Variants in ADAMTS17 observed in about 807,000 individuals in gnomAD.
ADAMTS17 encodes the protein A disintegrin and metalloproteinase with thrombospondin motifs 17.
In ADAMTS17, 113 loss-of-function variants were observed where a neutral mutation model predicts 141.5. The observed-to-expected ratio is 0.80, with a 90% CI of 0.69 to 0.93. ADAMTS17 has a LOEUF of 0.93. ADAMTS17 is among the 40% of genes least tolerant of loss of function. The pLI, the probability that ADAMTS17 is intolerant of heterozygous loss-of-function variation, is 0.00. For missense variants in ADAMTS17, 1,659 were observed against 1,517.9 expected (o/e 1.09, Z -1.54); for synonymous variants, 768 against 630.6 (o/e 1.22, Z -3.27).
intron 10 of ADAMTS17, among the ~76,000 whole-genome samples, chr15:100,146,556 G>C (rs1013046696): frequency 6.6e-6 from 1 of 152,168 alleles, no homozygotes; most frequent in Non-Finnish European, 1.5e-5. Context: ...TACAGCATGT[G>C]TGTTTGAACA....
Position 100,341,272 on chromosome 15 carries a change from G to A in ADAMTS17, c.217C>T (p.Arg73Cys), listed in dbSNP as rs1334885680. 2 of 1,256,420 alleles carry A rather than the reference G, an allele frequency of 1.6e-6. No individual in the cohort carries two copies. The highest frequency in any genetic ancestry group is 1.0e-6 in the Non-Finnish European group (1 of 999,376). The allele number at this position is 1,256,420 out of a possible 1,614,324, so 77.8% of individuals were successfully genotyped here. Residue 73 changes from arginine (R) to cysteine (C), a missense_variant, in exon 2 of 22, where the codon CGC becomes TGC. Transcript: ENST00000268070. ...RRPRTPPAAPRARPGERALLL... is the reference protein window; with the variant it reads ...RRPRTPPAAPCARPGERALLL... Reference sequence around the variant, plus strand: ...AGGGCGCGCTCTCCGGGCCGGGCGCGCGGGGCGGCTGGGGGCGTGCGGGGG... The same window carrying A: ...AGGGCGCGCTCTCCGGGCCGGGCGCACGGGGCGGCTGGGGGCGTGCGGGGG...
chr15:100,282,350 C>A (rs1013676444), intron 3 of ADAMTS17, among the ~76,000 whole-genome samples: 1 of 152,240 alleles, frequency 6.6e-6, no homozygotes, highest in African/African-American at 2.4e-5. Flanking sequence ...CTGGATACAG[C>A]AGGCCCTCTT....
chr15:100,311,302 C>T (rs565987624), intron 3 of ADAMTS17, among the ~76,000 whole-genome samples: 1 of 152,286 alleles, frequency 6.6e-6, no homozygotes, highest in South Asian at 2.1e-4. Flanking sequence ...CCCCACCGCC[C>T]CCTGCAACAC....
rs182816871 is a variant in ADAMTS17 at position 100,038,687 on chromosome 15, C to A, written c.2591+10170G>T. Among the ~76,000 whole-genome samples the A allele has an allele frequency of 3.4e-3, 512 of 152,120 alleles. 11 individuals carry two copies. The highest frequency in any genetic ancestry group is 2.8e-4 in the Non-Finnish European group (19 of 67,988). ...GATCTTACATCTGTAAACATCCAGA[C>A]CTTGTTTATTAGTTCTAATAGTTTT... On this transcript the variant is annotated intron_variant, in intron 18 of 21. Transcript: ENST00000268070.
chr15:100,285,796 G>C (rs1348152674), intron 3 of ADAMTS17, among the ~76,000 whole-genome samples: 1 of 152,178 alleles, frequency 6.6e-6, no homozygotes, highest in African/African-American at 2.4e-5. Context: ...GTGGGAACAG[G>C]TACAGTGGAG....
chr15:100,299,172 T>G (rs1255152765), intron 3 of ADAMTS17, among the ~76,000 whole-genome samples: 1 of 152,182 alleles, frequency 6.6e-6, no homozygotes, highest in Non-Finnish European at 1.5e-5. Context: ...GGCTAGTTAG[T>G]ACTTCAACCT....
intron 15 of ADAMTS17, among the ~76,000 whole-genome samples, chr15:100,076,256 T>C (rs2034368584): frequency 6.6e-6 from 1 of 152,146 alleles, no homozygotes; most frequent in Admixed American, 6.6e-5. Flanking sequence ...TTGGGCAGGC[T>C]GGTCTGGAAC....
chr15:100,285,019 TCTC>T (rs1017103706), intron 3 of ADAMTS17, among the ~76,000 whole-genome samples: 7 of 152,182 alleles, frequency 4.6e-5, no homozygotes, highest in African/African-American at 1.7e-4. Flanking sequence ...CCTCAAGCCT[TCTC>T]CTGTTGTCAC....
intron 18 of ADAMTS17, among the ~76,000 whole-genome samples, chr15:99,998,074 C>T (rs187590955): frequency 1.1e-4 from 16 of 152,332 alleles, no homozygotes; most frequent in Admixed American, 1.0e-3. Context: ...GCCTGCGCTA[C>T]TGTCAGTGAT....
intron 8 of ADAMTS17, among the ~76,000 whole-genome samples, chr15:100,162,444 ATAGT>A (rs1394524100): frequency 7.5e-6 from 1 of 133,794 alleles, no homozygotes; most frequent in African/African-American, 2.9e-5. Flanking sequence ...ATATACACAT[ATAGT>A]TATATATATG....
chr15:100,294,853 G>A (rs981722668), intron 3 of ADAMTS17, among the ~76,000 whole-genome samples: 102 of 152,216 alleles, frequency 6.7e-4, no homozygotes, highest in Non-Finnish European at 1.0e-4. Context: ...TGAAACGTTA[G>A]CGACATTTTA....
chr15:100,031,980 G>T (rs1303928926), intron 18 of ADAMTS17, among the ~76,000 whole-genome samples: 1 of 152,224 alleles, frequency 6.6e-6, no homozygotes, highest in Non-Finnish European at 1.5e-5. Context: ...GAGTCACACA[G>T]ACCATACAGG....
intron 6 of ADAMTS17, among the ~76,000 whole-genome samples, chr15:100,258,286 C>T (rs1411409183): frequency 6.6e-6 from 1 of 152,256 alleles, no homozygotes; most frequent in East Asian, 1.9e-4. Flanking sequence ...TTTTGAGGTA[C>T]CATCATCTGG....
intron 3 of ADAMTS17, among the ~76,000 whole-genome samples, chr15:100,297,660 C>T (rs909279465): frequency 6.6e-6 from 1 of 152,126 alleles, no homozygotes; most frequent in Non-Finnish European, 1.5e-5. Context: ...GAGTTCTGGC[C>T]TAATTGAGTT....
intron 10 of ADAMTS17, among the ~76,000 whole-genome samples, chr15:100,147,866 C>T (rs1164312736): frequency 6.6e-6 from 1 of 152,266 alleles, no homozygotes; most frequent in Non-Finnish European, 1.5e-5. Context: ...TTCTGGATGT[C>T]AGAAGTCCAA....
rs2033570936 is a variant in ADAMTS17 at position 100,066,835 on chromosome 15, C to T, written c.2138-12781G>A. On this transcript the variant is annotated intron_variant, in intron 15 of 21. Transcript: ENST00000268070. ...AGAGGGCAGCCATCATTCTAAGTGTCCTTCCTTTCTGTCTCAGCAATATTC... is the reference window on the plus strand; with the variant it reads ...AGAGGGCAGCCATCATTCTAAGTGTTCTTCCTTTCTGTCTCAGCAATATTC... 2.6e-5 allele frequency among the ~76,000 whole-genome samples: 2 copies of T among 77,086 alleles called. 1 individual carries two copies. The highest frequency in any genetic ancestry group is 6.1e-5 in the Non-Finnish European group (2 of 33,024). 50.6% of individuals were successfully genotyped at this position (77,086 alleles called of 152,430 possible). A position where few individuals can be genotyped will look rare whatever the true frequency, so the allele number is the denominator to read the frequency against.
intron 19 of ADAMTS17, among the ~76,000 whole-genome samples, chr15:99,994,765 C>A (rs1167053118): frequency 6.6e-6 from 1 of 152,146 alleles, no homozygotes; most frequent in Non-Finnish European, 1.5e-5. Flanking sequence ...CAGGGTTTCA[C>A]CATGTTAGCC....
intron 4 of ADAMTS17, among the ~76,000 whole-genome samples, chr15:100,276,019 A>C (rs1001600030): frequency 4.8e-5 from 1 of 20,722 alleles, no homozygotes; most frequent in African/African-American, 2.4e-4. Context: ...GGGAGGGAGT[A>C]GGTGCCTGGT....
At chr15:100,221,057 C>T (rs533755014) in intron 7 of ADAMTS17, among the ~76,000 whole-genome samples, 35 of 152,254 alleles carry the variant, frequency 2.3e-4, no homozygotes, top group African/African-American at 8.2e-4. Context: ...TATACAATAA[C>T]TCTATGTTTA....
Sources: gnomAD v4.1 joint callset for allele counts (sites outside exome capture counted in the v4.1 genomes callset) on GRCh38, gnomAD v4.1.1 for gene constraint, MANE v1.5 for transcripts, NCBI Gene and HGNC (gene_info 2026-07-23, HGNC 2026-07-21) for gene names.